The following LYRM4 variants were observed in gnomAD, a reference collection of about 807,000 sequenced individuals.
LYRM4 encodes the protein LYR motif-containing protein 4.
Under a neutral mutation model 11.7 loss-of-function variants are expected in LYRM4, and 9 were observed. That is an observed-to-expected ratio of 0.77 (90% CI 0.46 to 1.34). The LOEUF (loss-of-function observed/expected upper bound fraction) is 1.34. LYRM4 is among the 40% of genes most tolerant of loss of function. The probability of loss-of-function intolerance (pLI) is 0.00; values close to 1 mark genes in which losing one functional copy is unlikely to be tolerated. For synonymous variants in LYRM4, 42 were observed against 40.4 expected, an observed-to-expected ratio of 1.04 and a Z score of -0.15; for missense variants, 133 against 112.5, an observed-to-expected ratio of 1.18 and a Z score of -0.82.
At chr6:5,051,286 C>T in the LYRM4 span, among the ~76,000 whole-genome samples, 3 of 152,124 alleles carry the variant, frequency 2.0e-5, no homozygotes, top group South Asian at 4.2e-4. Flanking sequence ...TAAAAACTTC[C>T]AAAATATGAT....
chr6:5,121,163 G>C (rs1245248618), intron 2 of LYRM4, among the ~76,000 whole-genome samples: 1 of 152,176 alleles, frequency 6.6e-6, no homozygotes, highest in Non-Finnish European at 1.5e-5. Flanking sequence ...CAAAAAACCA[G>C]AGTATCTATT....
chr6:5,054,112 C>T, the LYRM4 span: 7 of 985,750 alleles, frequency 7.1e-6, no homozygotes, highest in Non-Finnish European at 7.2e-6. Context: ...TGCCTCTGTC[C>T]TCATGGCAGT....
the LYRM4 span, among the ~76,000 whole-genome samples, chr6:5,056,656 G>C: frequency 2.0e-5 from 3 of 152,124 alleles, no homozygotes; most frequent in Non-Finnish European, 2.9e-5. Context: ...TAAATACCAG[G>C]TAGCTGTCAA....
At chr6:5,059,017 T>C in the LYRM4 span, among the ~76,000 whole-genome samples, 2 of 152,220 alleles carry the variant, frequency 1.3e-5, no homozygotes, top group East Asian at 3.8e-4. Flanking sequence ...GAGGTGACAC[T>C]GCTACTGGCT....
At chr6:5,243,863 G>A (rs1764021808) in intron 1 of LYRM4, among the ~76,000 whole-genome samples, 1 of 152,184 alleles carries the variant, frequency 6.6e-6, no homozygotes, top group Admixed American at 6.5e-5. Context: ...ATCATATGGT[G>A]GCAGACATTT....
intron 2 of LYRM4, among the ~76,000 whole-genome samples, chr6:5,191,283 A>G (rs1302794883): frequency 6.6e-6 from 1 of 152,236 alleles, no homozygotes; most frequent in Non-Finnish European, 1.5e-5. Context: ...GACTAGAAAC[A>G]GAACATAGGT....
intron 2 of LYRM4, among the ~76,000 whole-genome samples, chr6:5,214,077 G>A (rs1049418411): frequency 3.9e-5 from 6 of 152,256 alleles, no homozygotes; most frequent in Middle Eastern, 3.2e-3. Context: ...CAGTGGAGAT[G>A]ATGACAGCGA....
chr6:5,133,198 C>T (rs85204), intron 2 of LYRM4, among the ~76,000 whole-genome samples: 92,566 of 152,076 alleles, frequency 0.61, 28,658 homozygotes, highest in East Asian at 0.81. Context: ...TAGCTAGAAA[C>T]AGAGGGCTCT....
At chr6:5,161,184 CAA>C in intron 2 of LYRM4, among the ~76,000 whole-genome samples, 1 of 152,078 alleles carries the variant, frequency 6.6e-6, no homozygotes, top group East Asian at 1.9e-4. Flanking sequence ...AATTAAATAA[CAA>C]TATTCTGAAC....
At chr6:5,086,493 C>A in the LYRM4 span, 184 of 1,537,496 alleles carry the variant, frequency 1.2e-4, no homozygotes, top group Non-Finnish European at 1.0e-4. Flanking sequence ...GCGCGCAGGG[C>A]GAGTACTGGG....
intron 1 of LYRM4, among the ~76,000 whole-genome samples, chr6:5,229,397 G>C (rs1018423900): frequency 6.6e-6 from 1 of 152,174 alleles, no homozygotes; most frequent in Non-Finnish European, 1.5e-5. Context: ...TTGATGCCCA[G>C]GTGTAGTTAT....
At chr6:5,098,200 C>T in the LYRM4 span, among the ~76,000 whole-genome samples, 1 of 152,162 alleles carries the variant, frequency 6.6e-6, no homozygotes, top group Non-Finnish European at 1.5e-5. Flanking sequence ...TGCTCCGTTC[C>T]GAACCCAGCC....
rs535503281 is a variant in LYRM4 at position 5,188,701 on chromosome 6, T to C, written c.207+27917A>G. The stretch of plus-strand genomic sequence containing the variant: ...ACTATTGGAGGATTAAATGAGACAG[T>C]GCATTAAACATTTTGTGTAGAGCTT... On this transcript the variant is annotated intron_variant, in intron 2 of 2. Coordinates refer to ENST00000330636, the MANE Select transcript of LYRM4 (RefSeq NM_020408.6). Among the ~76,000 whole-genome samples, 263 of 152,300 alleles carry C rather than the reference T, an allele frequency of 1.7e-3. 3 individuals are homozygous for C. The highest frequency in any genetic ancestry group is 5.7e-3 in the African/African-American group (238 of 41,560).
chr6:5,212,806 T>C (rs528783076), intron 2 of LYRM4, among the ~76,000 whole-genome samples: 5 of 152,258 alleles, frequency 3.3e-5, no homozygotes, highest in Admixed American at 3.3e-4. Flanking sequence ...GGTCCAAGAA[T>C]GTTAAGGAAA....
intron 2 of LYRM4, among the ~76,000 whole-genome samples, chr6:5,210,464 A>C (rs754975862): frequency 6.6e-6 from 1 of 152,186 alleles, no homozygotes; most frequent in Non-Finnish European, 1.5e-5. Flanking sequence ...CAGTTAAAAA[A>C]AAAAACCAAT....
the LYRM4 span, among the ~76,000 whole-genome samples, chr6:5,056,134 G>A: frequency 6.6e-6 from 1 of 152,080 alleles, no homozygotes; most frequent in Non-Finnish European, 1.5e-5. Context: ...TTGAGTAGCT[G>A]GGACTACAGA....
chr6:5,126,038 T>C (rs1227464510), intron 2 of LYRM4, among the ~76,000 whole-genome samples: 1 of 152,252 alleles, frequency 6.6e-6, no homozygotes, highest in Non-Finnish European at 1.5e-5. Flanking sequence ...GGTTTATTTC[T>C]GAATTAGAGT....
At chr6:5,043,852 C>G in the LYRM4 span, among the ~76,000 whole-genome samples, 6 of 152,186 alleles carry the variant, frequency 3.9e-5, no homozygotes, top group African/African-American at 1.4e-4. Flanking sequence ...TTAGGGACAG[C>G]CCCTATACCC....
At chr6:5,258,754 A>C (rs550314600) in intron 1 of LYRM4, among the ~76,000 whole-genome samples, 1 of 152,354 alleles carries the variant, frequency 6.6e-6, no homozygotes, top group African/African-American at 2.4e-5. Flanking sequence ...TTTAGCTTAA[A>C]AGTATATGCT....
Sources: allele counts gnomAD v4.1 joint callset (sites outside exome capture counted in the v4.1 genomes callset), GRCh38; gene constraint gnomAD v4.1.1; transcripts MANE v1.5; gene names NCBI Gene and HGNC (gene_info 2026-07-23, HGNC 2026-07-21).